The following NR2E3 variants were observed in gnomAD, a reference collection of about 807,000 sequenced individuals.
NR2E3 encodes photoreceptor-specific nuclear receptor.
A neutral mutation model predicts 37.6 loss-of-function variants in NR2E3; 38 were observed. That is an observed-to-expected ratio of 1.01 (90% CI 0.78 to 1.33). The LOEUF (loss-of-function observed/expected upper bound fraction) is 1.33, where lower values mean the gene tolerates loss of function less well. NR2E3 is among the 40% of genes most tolerant of loss of function. The probability of loss-of-function intolerance (pLI) is 0.00; values close to 1 mark genes in which losing one functional copy is unlikely to be tolerated. For missense variants in NR2E3, 562 were observed against 558.7 expected, an observed-to-expected ratio of 1.01 and a Z score of -0.06; for synonymous variants, 235 against 225.1, an observed-to-expected ratio of 1.04 and a Z score of -0.39.
In NR2E3 at chr15:71,811,741, C is replaced by G; in HGVS notation, c.246-25C>G. On this transcript the variant is annotated intron_variant, in intron 2 of 7. Transcript: ENST00000617575. The surrounding 1 kb of genome is among the most constrained non-coding windows in gnomAD (Gnocchi z 5.6). Reference sequence around the variant, plus strand: ...TCAGGGCATGGGAGGGACACTGACCCCTGGGGTCTCCTCTTCACCTGCAGG... The same window carrying G: ...TCAGGGCATGGGAGGGACACTGACCGCTGGGGTCTCCTCTTCACCTGCAGG... The G allele has an allele frequency of 4.5e-6, 7 of 1,549,262 alleles. No homozygotes were observed. Among genetic ancestry groups the G allele is most frequent in the Non-Finnish European group, 6.1e-6 (7 of 1,145,350 alleles).
rs772859788 is a variant in NR2E3, at chr15:71,811,925, G to A, written c.350-30G>A. 54 of 1,548,790 alleles carry A rather than the reference G, an allele frequency of 3.5e-5. No homozygotes were observed. The highest frequency in any genetic ancestry group is 5.9e-5 in the Admixed American group (3 of 50,960). On this transcript the variant is annotated intron_variant, in intron 3 of 7. Transcript: ENST00000617575. This position sits in a 1 kb window ranked among gnomAD's most constrained non-coding sequence, Gnocchi z 5.6. ...ACAAGAAATGGGCAGCGGGACTGGC[G>A]TGTCGTCCTGACCCTTCCTGCCTCC...
At chr15:71,814,697 T>A (rs938622121) in intron 7 of NR2E3, 5 of 986,794 alleles carry the variant, frequency 5.1e-6, no homozygotes, top group Non-Finnish European at 6.0e-6. Context: ...CTACTGCAGG[T>A]TTCCGAGCAG....
At chr15:71,814,853 G>T in intron 7 of NR2E3, 1 of 985,658 alleles carries the variant, frequency 1.0e-6, no homozygotes, top group Non-Finnish European at 1.2e-6. Context: ...GGAAGCAGAA[G>T]GGAGACTCTA....
rs777024600 is a variant in NR2E3 at position 71,817,708 on chromosome 15, C to T, written c.*24C>T. The T allele has an allele frequency of 5.1e-6, 8 of 1,574,310 alleles. No homozygotes were observed. The highest frequency in any genetic ancestry group is 3.4e-5 in the South Asian group (3 of 88,760). ...AGTGGGGGTGGAGGTGAAATGTTTCCAAGCACTCTGGAAAACAATCTACTG... is the reference window on the plus strand; with the variant it reads ...AGTGGGGGTGGAGGTGAAATGTTTCTAAGCACTCTGGAAAACAATCTACTG... On this transcript the variant is annotated 3_prime_UTR_variant, in exon 8 of 8. Coordinates refer to ENST00000617575, the MANE Select transcript of NR2E3 (RefSeq NM_014249.4).
At chr15:71,814,305 G>A (rs2054210961) in intron 7 of NR2E3, 188 bp downstream of exon 7, 4 of 1,394,654 alleles carry the variant, frequency 2.9e-6, no homozygotes, top group East Asian at 2.6e-5. Flanking sequence ...ATGTACATAA[G>A]ACAAAGCTAC....
rs937854471 is a variant in NR2E3, at chr15:71,811,650, G to T, written c.245+41G>T. 7 of 1,590,794 alleles carry T rather than the reference G, an allele frequency of 4.4e-6. No homozygotes were observed. The highest frequency in any genetic ancestry group is 4.3e-6 in the Non-Finnish European group (5 of 1,168,606). On this transcript the variant is annotated intron_variant, in intron 2 of 7. Transcript: ENST00000617575. This position sits in a 1 kb window ranked among gnomAD's most constrained non-coding sequence, Gnocchi z 5.6. The stretch of plus-strand genomic sequence containing the variant: ...CCTGCTGGGCGTCTGCCCCTGAGGG[G>T]TTCTGGAGGGGTGAGGGGGTGCTCA...
At chr15:71,814,854 G>T in intron 7 of NR2E3, 1 of 985,582 alleles carries the variant, frequency 1.0e-6, no homozygotes, top group Non-Finnish European at 1.2e-6. Flanking sequence ...GAAGCAGAAG[G>T]GAGACTCTAG....
In NR2E3 at chr15:71,811,991, A is replaced by G. The variant is rs1456069503; in HGVS notation, c.386A>G (p.Gln129Arg). ...QNERQPRSTA[Q>R]VHLDSMESNT... ...GAGCGCCAGCCGCGAAGCACAGCCC[A>G]GGTCCACCTGGACAGCATGGAGTCC... is the stretch of plus-strand genomic sequence containing the variant. The change falls in exon 4 of 8, where the codon CAG becomes CGG. Residue 129 changes from glutamine to arginine, a missense_variant. Coordinates refer to ENST00000617575, the MANE Select transcript of NR2E3 (RefSeq NM_014249.4). This position sits in a 1 kb window ranked among gnomAD's most constrained non-coding sequence, Gnocchi z 5.6. 2.6e-6 allele frequency: 4 copies of G among 1,554,332 alleles called. No individual in the cohort carries two copies. The Admixed American group carries it at 5.8e-5, about 23-fold the overall frequency.
chr15:71,817,009 A>G (rs540047601), intron 7 of NR2E3, among the ~76,000 whole-genome samples: 8 of 152,006 alleles, frequency 5.3e-5, no homozygotes, highest in Non-Finnish European at 1.0e-4. Context: ...CATTATTTTC[A>G]TTGCACTCCT....
At chr15:71,815,488 C>G (rs1476887574) in intron 7 of NR2E3, among the ~76,000 whole-genome samples, 1 of 152,176 alleles carries the variant, frequency 6.6e-6, no homozygotes, top group Non-Finnish European at 1.5e-5. Context: ...AAACCAGCAG[C>G]CTTTCTCTGC....
intron 5 of NR2E3, 89 bp downstream of exon 5, chr15:71,812,600 A>T: frequency 8.7e-7 from 1 of 1,154,684 alleles, no homozygotes; most frequent in Non-Finnish European, 1.2e-6. Flanking sequence ...ACACATCCCC[A>T]CGCCAGTATG....
Position 71,811,740 on chromosome 15 carries a change from C to T in NR2E3, c.246-26C>T, listed in dbSNP as rs755023160. 2 of 1,549,180 alleles carry T rather than the reference C, an allele frequency of 1.3e-6. No homozygotes were observed. Among genetic ancestry groups the T allele is most frequent in the Non-Finnish European group, 1.7e-6 (2 of 1,145,252 alleles). ...CTCAGGGCATGGGAGGGACACTGAC[C>T]CCTGGGGTCTCCTCTTCACCTGCAG... On this transcript the variant is annotated intron_variant, in intron 2 of 7. Coordinates refer to ENST00000617575, the MANE Select transcript of NR2E3 (RefSeq NM_014249.4). The surrounding 1 kb of genome is among the most constrained non-coding windows in gnomAD (Gnocchi z 5.6).
rs750109070 is a variant in NR2E3, at chr15:71,817,644, C to T, written c.1193C>T (p.Thr398Ile). ...TTTTTCCGCAAGACCATAGGGAATA[C>T]TCCAATGGAGAAGCTCCTTTGTGAT... ...LLFFRKTIGNTPMEKLLCDMF... is the reference protein window; with the variant it reads ...LLFFRKTIGNIPMEKLLCDMF... The change falls in exon 8 of 8, where the codon ACT becomes ATT. Residue 398 changes from threonine to isoleucine, a missense_variant. Thr to Ile is a moderately conservative substitution (Grantham distance 89). Transcript: ENST00000617575. 3 of 1,608,132 alleles carry T rather than the reference C, an allele frequency of 1.9e-6. No homozygotes were observed. Among genetic ancestry groups the T allele is most frequent in the South Asian group, 1.1e-5 (1 of 90,884 alleles).
At chr15:71,814,787 G>T in intron 7 of NR2E3, 1 of 985,604 alleles carries the variant, frequency 1.0e-6, no homozygotes, top group Non-Finnish European at 1.2e-6. Context: ...GGGGATGGCA[G>T]CTACTGCCAC....
intron 7 of NR2E3, 74 bp downstream of exon 7, chr15:71,814,191 C>T (rs764635783): frequency 2.4e-5 from 37 of 1,530,584 alleles, no homozygotes; most frequent in Admixed American, 2.1e-4. Context: ...CACACTCTCC[C>T]AGAGCTCACT....
In NR2E3 at chr15:71,811,726, G is replaced by A. The variant is rs1257976030; in HGVS notation, c.246-40G>A. ...GTCCAAGCCCATGGCTCAGGGCATG[G>A]GAGGGACACTGACCCCTGGGGTCTC... On this transcript the variant is annotated intron_variant, in intron 2 of 7. Coordinates refer to ENST00000617575, the MANE Select transcript of NR2E3 (RefSeq NM_014249.4). This position sits in a 1 kb window ranked among gnomAD's most constrained non-coding sequence, Gnocchi z 5.6. The A allele has an allele frequency of 6.5e-7, 1 of 1,547,196 alleles. No homozygotes were observed. Among genetic ancestry groups the A allele is most frequent in the East Asian group, 2.4e-5 (1 of 40,848 alleles).
At chr15:71,810,908 C>A in intron 1 of NR2E3, 47 bp downstream of exon 1, 2 of 1,503,478 alleles carry the variant, frequency 1.3e-6, no homozygotes, top group Admixed American at 2.2e-5. Context: ...CCTTGGGGAG[C>A]AGGGTAAGGG....
Position 71,810,928 on chromosome 15 carries a change from C to T in NR2E3, c.118+67C>T, listed in dbSNP as rs1223435612. The T allele has an allele frequency of 6.3e-6, 9 of 1,439,628 alleles. No individual in the cohort carries two copies. The South Asian group carries it at 7.3e-5, about 12-fold the overall frequency. The allele number at this position is 1,439,628 out of a possible 1,614,324, so 89.2% of individuals were successfully genotyped here. A position where few individuals can be genotyped will look rare whatever the true frequency, so the allele number is the denominator to read the frequency against. On this transcript the variant is annotated intron_variant, in intron 1 of 7. Transcript: ENST00000617575. ...GGGAGCAGGGTAAGGGCCAGAGGTTCGCAGGGACCATGGAAGGAGCCAGAA... is the reference window on the plus strand; with the variant it reads ...GGGAGCAGGGTAAGGGCCAGAGGTTTGCAGGGACCATGGAAGGAGCCAGAA...
rs1292013533 is a variant in NR2E3 at position 71,818,194 on chromosome 15, T to C, written c.*510T>C. On this transcript the variant is annotated 3_prime_UTR_variant, in exon 8 of 8. Coordinates refer to ENST00000617575, the MANE Select transcript of NR2E3 (RefSeq NM_014249.4). ...ATTCATACGTAATAATTCATTGAGC[T>C]GTGCACTTTATTTTGTTAGACCTCA... 6.6e-6 allele frequency: 1 copy of C among 151,608 alleles called. No homozygotes were observed. Among genetic ancestry groups the C allele is most frequent in the Non-Finnish European group, 1.5e-5 (1 of 67,982 alleles). 9.4% of individuals were successfully genotyped at this position (151,608 alleles called of 1,614,324 possible). A position where few individuals can be genotyped will look rare whatever the true frequency, so the allele number is the denominator to read the frequency against.
Sources: allele counts gnomAD v4.1 joint callset (sites outside exome capture counted in the v4.1 genomes callset), GRCh38; gene constraint gnomAD v4.1.1; non-coding constraint Gnocchi (gnomAD v3.1); transcripts MANE v1.5; gene names NCBI Gene and HGNC (gene_info 2026-07-23, HGNC 2026-07-21).